Variants in STXBP5L observed in about 807,000 individuals in gnomAD.
STXBP5L encodes syntaxin-binding protein 5-like.
Under a neutral mutation model 144.5 loss-of-function variants are expected in STXBP5L, and 65 were observed. That is an observed-to-expected ratio of 0.45 (90% CI 0.37 to 0.55). The LOEUF (loss-of-function observed/expected upper bound fraction) is 0.55, where lower values mean the gene tolerates loss of function less well. Among genes scored for constraint, STXBP5L ranks in the 20% least tolerant of loss-of-function variants. The probability of loss-of-function intolerance (pLI) is 0.00; values close to 1 mark genes in which losing one functional copy is unlikely to be tolerated. For missense variants in STXBP5L, 1,298 were observed against 1,405.5 expected (o/e 0.92, Z 1.22); for synonymous variants, 505 against 469.6 (o/e 1.08, Z -0.97).
At chr3:121,089,238 A>G in intron 5 of STXBP5L, among the ~76,000 whole-genome samples, 1 of 151,064 alleles carries the variant, frequency 6.6e-6, no homozygotes. Context: ...TTCTTCTATT[A>G]GATATTTTTC....
intron 7 of STXBP5L, among the ~76,000 whole-genome samples, chr3:121,127,789 G>A (rs1577023010): frequency 6.6e-6 from 1 of 151,990 alleles, no homozygotes; most frequent in Admixed American, 6.6e-5. Flanking sequence ...TGAGAATATT[G>A]TAAACCCCAG....
chr3:121,002,092 A>G lies in STXBP5L; in HGVS notation c.288-39608A>G, dbSNP rs77171582. On this transcript the variant is annotated intron_variant, in intron 3 of 26. Transcript: ENST00000471454. ...ATATACCCAGAAGAGAGATTACTGG[A>G]TCATATAGTATTTTTAATTATTTGA... Among the ~76,000 whole-genome samples, 1,250 of 152,248 alleles carry G rather than the reference A, an allele frequency of 8.2e-3. 10 individuals carry two copies. The highest frequency in any genetic ancestry group is 0.017 in the Middle Eastern group (5 of 294).
At chr3:121,027,557 C>T (rs1339459767) in intron 3 of STXBP5L, among the ~76,000 whole-genome samples, 1 of 151,996 alleles carries the variant, frequency 6.6e-6, no homozygotes. Flanking sequence ...TGGCTCTTGG[C>T]CCCTTTCCAT....
At chr3:120,920,135 T>C (rs1309435997) in intron 2 of STXBP5L, among the ~76,000 whole-genome samples, 4 of 152,014 alleles carry the variant, frequency 2.6e-5, no homozygotes, top group East Asian at 3.9e-4. Context: ...TTATTGAGAC[T>C]ATTAACATAC....
intron 20 of STXBP5L, among the ~76,000 whole-genome samples, chr3:121,364,540 T>G (rs886611322): frequency 1.3e-5 from 2 of 152,038 alleles, no homozygotes; most frequent in African/African-American, 2.4e-5. Context: ...TCACTTTGGT[T>G]TATATTGACA....
intron 5 of STXBP5L, among the ~76,000 whole-genome samples, chr3:121,103,560 T>A (rs572870556): frequency 6.6e-6 from 1 of 152,194 alleles, no homozygotes; most frequent in East Asian, 1.9e-4. Flanking sequence ...ATGAATTGAC[T>A]GTTGGGTACT....
rs534878908 is a variant in STXBP5L at position 121,307,042 on chromosome 3, A to T, written c.2111-11433A>T. 5.3e-5 allele frequency among the ~76,000 whole-genome samples: 8 copies of T among 152,302 alleles called. No homozygotes were observed. The East Asian group carries it at 1.5e-3, about 29-fold the overall frequency. ...CCTGCTAAAATCACTGCCATCCCAG[A>T]GTGACTATATACACTGAATACTGTG... On this transcript the variant is annotated intron_variant, in intron 19 of 26. Coordinates refer to ENST00000471454, the MANE Select transcript of STXBP5L (RefSeq NM_001308330.2).
At chr3:121,096,743 G>C (rs986286955) in intron 5 of STXBP5L, among the ~76,000 whole-genome samples, 1 of 152,132 alleles carries the variant, frequency 6.6e-6, no homozygotes, top group African/African-American at 2.4e-5. Context: ...GAACCTACCA[G>C]TTGCCAGCCA....
chr3:121,073,378 G>A (rs1363784641), intron 5 of STXBP5L, among the ~76,000 whole-genome samples: 2 of 152,148 alleles, frequency 1.3e-5, no homozygotes, highest in South Asian at 2.1e-4. Flanking sequence ...AGGGTGACAC[G>A]ACCATGTGGG....
At chr3:121,350,350 C>G (rs1221174768) in intron 20 of STXBP5L, among the ~76,000 whole-genome samples, 1 of 152,162 alleles carries the variant, frequency 6.6e-6, no homozygotes, top group African/African-American at 2.4e-5. Context: ...ATGGGCTTCC[C>G]TTTGTGGGTA....
chr3:120,970,346 T>C (rs1940104339), intron 3 of STXBP5L, among the ~76,000 whole-genome samples: 1 of 152,140 alleles, frequency 6.6e-6, no homozygotes. Context: ...TTGAATAGCT[T>C]TTAGTATTTC....
intron 9 of STXBP5L, among the ~76,000 whole-genome samples, chr3:121,202,817 TA>T (rs1254396537): frequency 2.0e-5 from 3 of 152,148 alleles, no homozygotes; most frequent in Non-Finnish European, 4.4e-5. Flanking sequence ...CAAGGTGTTT[TA>T]TTTTTTTTTC....
intron 5 of STXBP5L, among the ~76,000 whole-genome samples, chr3:121,110,713 G>GATCTTCTTA (rs1393910418): frequency 2.0e-5 from 3 of 152,070 alleles, no homozygotes; most frequent in Non-Finnish European, 4.4e-5. Flanking sequence ...CTTGGGGGTT[G>GATCTTCTTA]ATCTTCTTAT....
chr3:121,180,089 C>A (rs2047083508), intron 9 of STXBP5L, among the ~76,000 whole-genome samples: 1 of 151,818 alleles, frequency 6.6e-6, no homozygotes, highest in Non-Finnish European at 1.5e-5. Context: ...TCAAAGAACT[C>A]CTGGGAAATT....
chr3:121,212,043 C>T (rs540904412), intron 10 of STXBP5L, among the ~76,000 whole-genome samples: 1 of 152,190 alleles, frequency 6.6e-6, no homozygotes, highest in South Asian at 2.1e-4. Context: ...TATACTTCGC[C>T]AACTTTTAGA....
chr3:121,257,162 C>A lies in STXBP5L; in HGVS notation c.1661C>A (p.Ser554Ter). 1 of 1,594,818 alleles carries A rather than the reference C, an allele frequency of 6.3e-7. No individual in the cohort carries two copies. Among genetic ancestry groups the A allele is most frequent in the South Asian group, 1.1e-5 (1 of 87,692 alleles). Residue 554 changes from serine (S) to a stop codon, truncating the protein, a stop_gained and splice_region_variant, in exon 17 of 27, where the codon TCA becomes TAA. Coordinates refer to ENST00000471454, the MANE Select transcript of STXBP5L (RefSeq NM_001308330.2). LOFTEE classifies it high-confidence loss of function. ...SRHEITTEIV[S>*]LEVRLQYDVE... Reference sequence around the variant, plus strand: ...AAATTTAAACTTGATTTTTTTAAGTCATTAGAGGTACGACTTCAGTATGAT... The same window carrying A: ...AAATTTAAACTTGATTTTTTTAAGTAATTAGAGGTACGACTTCAGTATGAT...
chr3:121,049,419 G>T (rs1947775455), intron 5 of STXBP5L, among the ~76,000 whole-genome samples: 1 of 152,112 alleles, frequency 6.6e-6, no homozygotes, highest in Non-Finnish European at 1.5e-5. Flanking sequence ...GGGGGCTCCT[G>T]TGTAAAACAA....
At chr3:121,038,513 G>A (rs542769684) in intron 3 of STXBP5L, among the ~76,000 whole-genome samples, 33 of 151,752 alleles carry the variant, frequency 2.2e-4, no homozygotes, top group South Asian at 6.2e-4. Context: ...TTTATAGTTC[G>A]AAATATTTTA....
intron 3 of STXBP5L, among the ~76,000 whole-genome samples, chr3:121,007,109 TG>T (rs1944384486): frequency 6.6e-6 from 1 of 152,186 alleles, no homozygotes; most frequent in African/African-American, 2.4e-5. Context: ...CTTGCTAGAT[TG>T]GGGAAGTTCT....
Sources: allele counts gnomAD v4.1 joint callset (sites outside exome capture counted in the v4.1 genomes callset), GRCh38; gene constraint gnomAD v4.1.1; transcripts MANE v1.5; gene names NCBI Gene and HGNC (gene_info 2026-07-23, HGNC 2026-07-21).